Variants in GALNTL6 observed in about 807,000 individuals in gnomAD.
The protein encoded by GALNTL6 is polypeptide N-acetylgalactosaminyltransferase-like 6.
Under a neutral mutation model 73.7 loss-of-function variants are expected in GALNTL6, and 46 were observed. That is an observed-to-expected ratio of 0.62 (90% CI 0.49 to 0.80). The LOEUF is 0.80. Ranked by LOEUF, GALNTL6 falls within the 30% of genes least tolerant of loss-of-function variation. The probability of loss-of-function intolerance (pLI) is 0.00; values close to 1 mark genes in which losing one functional copy is unlikely to be tolerated. For synonymous variants in GALNTL6, 259 were observed against 263.7 expected (o/e 0.98, Z 0.17); for missense variants, 604 against 755.0 (o/e 0.80, Z 2.34).
intron 5 of GALNTL6, among the ~76,000 whole-genome samples, chr4:172,461,674 A>C (rs574430576): frequency 7.0e-4 from 106 of 152,352 alleles, no homozygotes; most frequent in African/African-American, 2.4e-3. Flanking sequence ...AAAGAGAATA[A>C]ATGAATACTA....
At chr4:172,257,689 G>C (rs1488016830) in intron 3 of GALNTL6, among the ~76,000 whole-genome samples, 1 of 151,258 alleles carries the variant, frequency 6.6e-6, no homozygotes, top group African/African-American at 2.4e-5. Context: ...TTGAAGTTCA[G>C]TACAGGGATA....
At chr4:172,481,001 AAATT>A (rs1227861343) in intron 5 of GALNTL6, among the ~76,000 whole-genome samples, 1 of 152,144 alleles carries the variant, frequency 6.6e-6, no homozygotes, top group Non-Finnish European at 1.5e-5. Flanking sequence ...AACGTGTCCA[AAATT>A]GGTGGGTTCT....
At chr4:171,842,853 T>C (rs1000795813) in intron 2 of GALNTL6, among the ~76,000 whole-genome samples, 16 of 152,166 alleles carry the variant, frequency 1.1e-4, no homozygotes, top group African/African-American at 3.6e-4. Context: ...CGGTATCACT[T>C]GGTGGTACCA....
At chr4:172,718,791 A>G (rs1361961170) in intron 5 of GALNTL6, among the ~76,000 whole-genome samples, 1 of 152,150 alleles carries the variant, frequency 6.6e-6, no homozygotes, top group African/African-American at 2.4e-5. Flanking sequence ...GAGTCAGTTT[A>G]TTATTTTTTA....
At position 172,134,698 on chromosome 4, in the gene GALNTL6, G is replaced by C. The variant is rs35386708; in HGVS notation, c.139-94958G>C. Among the ~76,000 whole-genome samples, 348 of 152,298 alleles carry C rather than the reference G, an allele frequency of 2.3e-3. 2 individuals carry two copies. The highest frequency in any genetic ancestry group is 7.4e-3 in the African/African-American group (308 of 41,582). On this transcript the variant is annotated intron_variant, in intron 2 of 12. Coordinates refer to ENST00000506823, the MANE Select transcript of GALNTL6 (RefSeq NM_001034845.3). ...AGTCAGATATTCATCAACTGTATTA[G>C]TCAAGAGAGACTAACGGTTGTAACA...
At chr4:171,993,032 CT>C (rs1390747271) in intron 2 of GALNTL6, among the ~76,000 whole-genome samples, 5 of 151,260 alleles carry the variant, frequency 3.3e-5, no homozygotes, top group African/African-American at 9.7e-5. Context: ...TACATACATC[CT>C]TTAAGTCCCC....
In GALNTL6 at chr4:172,027,565, C is replaced by T. The variant is rs552920612; in HGVS notation, c.139-202091C>T. ...AGGCCTCCCTATTCCTTGAGACCAA[C>T]GATACTGAAATTAGTCCAACTAAGA... On this transcript the variant is annotated intron_variant, in intron 2 of 12. Coordinates refer to ENST00000506823, the MANE Select transcript of GALNTL6 (RefSeq NM_001034845.3). Among the ~76,000 whole-genome samples, 9 of 152,022 alleles carry T rather than the reference C, an allele frequency of 5.9e-5. No homozygotes were observed. In the South Asian group the frequency reaches 1.5e-3, roughly 25 times the overall value.
At chr4:172,371,163 G>T (rs1375348813) in intron 5 of GALNTL6, among the ~76,000 whole-genome samples, 1 of 152,182 alleles carries the variant, frequency 6.6e-6, no homozygotes, top group Non-Finnish European at 1.5e-5. Flanking sequence ...GCTTCTATAA[G>T]AGTTTCCTTA....
At chr4:172,506,436 T>C (rs1734387248) in intron 5 of GALNTL6, among the ~76,000 whole-genome samples, 1 of 54,348 alleles carries the variant, frequency 1.8e-5, no homozygotes, top group Non-Finnish European at 4.2e-5. Context: ...TTAAACTCTT[T>C]CTCTGCTGAA....
chr4:172,100,325 G>A (rs1012313206), intron 2 of GALNTL6, among the ~76,000 whole-genome samples: 1 of 152,068 alleles, frequency 6.6e-6, no homozygotes, highest in African/African-American at 2.4e-5. Context: ...GCTCCAGAGA[G>A]CAGAATTTCT....
chr4:172,299,603 T>G (rs891185767), intron 3 of GALNTL6, among the ~76,000 whole-genome samples: 6 of 152,240 alleles, frequency 3.9e-5, no homozygotes, highest in African/African-American at 1.4e-4. Context: ...ACATCTTTAT[T>G]TCTGCCTTCA....
chr4:172,139,339 A>T (rs6851334), intron 2 of GALNTL6, among the ~76,000 whole-genome samples: 2,381 of 152,290 alleles, frequency 0.016, 59 homozygotes, highest in African/African-American at 0.051. Context: ...TCAAAAATAA[A>T]ATTTCAGACA....
intron 5 of GALNTL6, among the ~76,000 whole-genome samples, chr4:172,598,977 GA>G (rs1188276005): frequency 3.9e-5 from 6 of 152,110 alleles, no homozygotes; most frequent in Non-Finnish European, 8.8e-5. Context: ...GATTATGGAG[GA>G]AACGAGTCTT....
intron 2 of GALNTL6, among the ~76,000 whole-genome samples, chr4:172,212,064 G>A (rs147999096): frequency 1.5e-3 from 225 of 152,258 alleles, no homozygotes; most frequent in Non-Finnish European, 2.6e-3. Flanking sequence ...TTAGGTTAGC[G>A]CCTTCTTCCC....
chr4:172,378,542 C>T (rs1262851427), intron 5 of GALNTL6, among the ~76,000 whole-genome samples: 2 of 151,792 alleles, frequency 1.3e-5, no homozygotes, highest in East Asian at 1.9e-4. Context: ...TGATGGAATT[C>T]GAATTAACCA....
rs543383562 is a variant in GALNTL6 at position 172,145,383 on chromosome 4, G to A, written c.139-84273G>A. On this transcript the variant is annotated intron_variant, in intron 2 of 12. Coordinates refer to ENST00000506823, the MANE Select transcript of GALNTL6 (RefSeq NM_001034845.3). ...TCTCGATCTCCTGACCTCGTGATCC[G>A]CCCGCCTTGGCCTCCCAAAGTGCTG... Among the ~76,000 whole-genome samples the A allele has an allele frequency of 2.5e-4, 38 of 152,098 alleles. No individual in the cohort carries two copies. The South Asian group carries it at 4.6e-3, about 18-fold the overall frequency.
chr4:172,424,944 A>G (rs1314982684), intron 5 of GALNTL6, among the ~76,000 whole-genome samples: 1 of 152,012 alleles, frequency 6.6e-6, no homozygotes, highest in Non-Finnish European at 1.5e-5. Flanking sequence ...GATGTAGGGA[A>G]TTCTAGTTTA....
At chr4:172,550,647 G>C (rs1029385363) in intron 5 of GALNTL6, among the ~76,000 whole-genome samples, 1 of 151,878 alleles carries the variant, frequency 6.6e-6, no homozygotes, top group African/African-American at 2.4e-5. Context: ...ACTCAGGCTG[G>C]AATGCAGTAG....
intron 5 of GALNTL6, among the ~76,000 whole-genome samples, chr4:172,723,769 A>C (rs1735630572): frequency 9.6e-6 from 1 of 104,168 alleles, no homozygotes; most frequent in Non-Finnish European, 2.2e-5. Context: ...TATTGATAGT[A>C]GAAAAATCCA....
Sources: allele counts gnomAD v4.1 joint callset (sites outside exome capture counted in the v4.1 genomes callset), GRCh38; gene constraint gnomAD v4.1.1; transcripts MANE v1.5; gene names NCBI Gene and HGNC (gene_info 2026-07-23, HGNC 2026-07-21).